The following NKIRAS1 variants were observed in gnomAD, a reference collection of about 807,000 sequenced individuals.
NKIRAS1 encodes NF-kappa-B inhibitor-interacting Ras-like protein 1.
In NKIRAS1, 16 loss-of-function variants were observed where a neutral mutation model predicts 19.8. That is an observed-to-expected ratio of 0.81 (90% CI 0.55 to 1.23). The LOEUF (loss-of-function observed/expected upper bound fraction) is 1.23. Among genes scored for constraint, NKIRAS1 ranks in the 50% most tolerant of loss-of-function variants. NKIRAS1 has a pLI of 0.00. For synonymous variants in NKIRAS1, 88 were observed against 79.0 expected, an observed-to-expected ratio of 1.11 and a Z score of -0.61; for missense variants, 184 against 220.0, an observed-to-expected ratio of 0.84 and a Z score of 1.04.
intron 1 of NKIRAS1, among the ~76,000 whole-genome samples, chr3:23,941,339 C>A (rs1705493098): frequency 6.6e-6 from 1 of 152,134 alleles, no homozygotes; most frequent in African/African-American, 2.4e-5. Flanking sequence ...CTCTTCTTTC[C>A]TTTATTCATA....
At position 23,890,704 on chromosome 3, in the gene NKIRAS1, G is replaced by T; in HGVS notation, c.*2391C>A. The T allele has an allele frequency of 1.9e-6, 2 of 1,070,734 alleles. No homozygotes were observed. The highest frequency in any genetic ancestry group is 2.9e-5 in the Admixed American group (1 of 34,914). 66.3% of individuals were successfully genotyped at this position (1,070,734 alleles called of 1,614,324 possible). ...GGAGGGTGGGAGTTGGTAAAGAGTAGGGTATTTCTATAACAGATATTATTC... is the reference window on the plus strand; with the variant it reads ...GGAGGGTGGGAGTTGGTAAAGAGTATGGTATTTCTATAACAGATATTATTC... On this transcript the variant is annotated 3_prime_UTR_variant, in exon 5 of 5. Transcript: ENST00000425478.
intron 1 of NKIRAS1, among the ~76,000 whole-genome samples, chr3:23,932,292 C>T (rs1705332238): frequency 6.6e-6 from 1 of 152,090 alleles, no homozygotes; most frequent in South Asian, 2.1e-4. Context: ...CAGTTATTTG[C>T]ATAAATTTCT....
intron 3 of NKIRAS1, among the ~76,000 whole-genome samples, chr3:23,909,288 G>A (rs6787216): frequency 0.2 from 30,546 of 152,054 alleles, 3,054 homozygotes; most frequent in Non-Finnish European, 0.21. Flanking sequence ...TTGGGAGGCC[G>A]AGGCGGGGGG....
At chr3:23,940,684 C>T (rs6550817) in intron 1 of NKIRAS1, among the ~76,000 whole-genome samples, 97,488 of 151,870 alleles carry the variant, frequency 0.64, 31,482 homozygotes, top group Middle Eastern at 0.73. Context: ...TTTATTATTT[C>T]GTTATAACAA....
chr3:23,946,123 C>G (rs1161705820), intron 1 of NKIRAS1: 9 of 985,026 alleles, frequency 9.1e-6, no homozygotes, highest in Non-Finnish European at 1.1e-5. Flanking sequence ...CCGCGATTCC[C>G]TCCTCCCCCG....
chr3:23,900,769 T>C (rs772888192), intron 4 of NKIRAS1, 39 bp downstream of exon 4: 2 of 1,539,984 alleles, frequency 1.3e-6, no homozygotes, highest in Admixed American at 1.7e-5. Flanking sequence ...TTAAATGGTA[T>C]TATAATTCAC....
intron 3 of NKIRAS1, among the ~76,000 whole-genome samples, chr3:23,903,478 G>C (rs1218386246): frequency 6.6e-6 from 1 of 151,852 alleles, no homozygotes; most frequent in Non-Finnish European, 1.5e-5. Flanking sequence ...AGAAAATAGA[G>C]ACCAACAAGA....
upstream of NKIRAS1, chr3:23,921,877 ATT>A: frequency 2.2e-6 from 1 of 458,676 alleles, no homozygotes; most frequent in East Asian, 3.8e-5. Context: ...CCCCAGCCCA[ATT>A]TTTATTTTTT....
intron 1 of NKIRAS1, chr3:23,945,615 G>A: frequency 8.5e-7 from 1 of 1,177,942 alleles, no homozygotes. Context: ...GACTGCGGCG[G>A]GTGGGGGATG....
At chr3:23,918,176 GTA>G, upstream of NKIRAS1, 1 of 1,069,202 alleles carries the variant, frequency 9.4e-7, no homozygotes. Flanking sequence ...GTCAGTTACT[GTA>G]TGCACTGTTG....
At chr3:23,895,369 C>T (rs1169125406) in intron 4 of NKIRAS1, among the ~76,000 whole-genome samples, 2 of 152,160 alleles carry the variant, frequency 1.3e-5, no homozygotes, top group Non-Finnish European at 2.9e-5. Flanking sequence ...CCCACTCTGA[C>T]TCCTGCCTTC....
chr3:23,921,489 C>T (rs1705077175), upstream of NKIRAS1: 3 of 656,830 alleles, frequency 4.6e-6, no homozygotes, highest in East Asian at 2.7e-5. Context: ...TAGCTATACC[C>T]TGACCGCCCC....
intron 1 of NKIRAS1, among the ~76,000 whole-genome samples, chr3:23,934,880 A>T (rs1054260234): frequency 6.6e-6 from 1 of 152,102 alleles, no homozygotes; most frequent in African/African-American, 2.4e-5. Context: ...TTATCTCTGA[A>T]TTTTTTTAAT....
chr3:23,906,791 C>A (rs549795568), intron 3 of NKIRAS1, among the ~76,000 whole-genome samples: 17 of 152,162 alleles, frequency 1.1e-4, no homozygotes, highest in African/African-American at 3.6e-4. Flanking sequence ...GTCTTATATC[C>A]TTTGCAGTGG....
In NKIRAS1 at chr3:23,892,982, T is replaced by A. The variant is rs1701585334; in HGVS notation, c.*113A>T. On this transcript the variant is annotated 3_prime_UTR_variant, in exon 5 of 5. Transcript: ENST00000425478. ...TAATTGACTTCCTTAGGAATTTTCC[T>A]AAGGACCAAAGGTAGATACAAATGG... is the stretch of plus-strand genomic sequence containing the variant. The A allele has an allele frequency of 1.1e-5, 13 of 1,162,020 alleles. No individual in the cohort carries two copies. Among genetic ancestry groups the A allele is most frequent in the Non-Finnish European group, 1.5e-5 (13 of 864,880 alleles). The allele number at this position is 1,162,020 out of a possible 1,614,324, so 72.0% of individuals were successfully genotyped here.
At chr3:23,914,326 T>G (rs963612387) in intron 1 of NKIRAS1, among the ~76,000 whole-genome samples, 1 of 152,090 alleles carries the variant, frequency 6.6e-6, no homozygotes, top group African/African-American at 2.4e-5. Flanking sequence ...TTTTTATAAG[T>G]AAAACACAAC....
chr3:23,895,501 C>G (rs1034701818), intron 4 of NKIRAS1, among the ~76,000 whole-genome samples: 1 of 152,108 alleles, frequency 6.6e-6, no homozygotes, highest in African/African-American at 2.4e-5. Context: ...TCCTCCCTAC[C>G]CAGCTTAGAT....
chr3:23,925,624 ACT>A (rs1448837816), intron 1 of NKIRAS1, among the ~76,000 whole-genome samples: 4 of 148,994 alleles, frequency 2.7e-5, no homozygotes, highest in African/African-American at 5.1e-5. Flanking sequence ...ACAGAGTAAG[ACT>A]CTGTCTCAAA....
At chr3:23,905,241 T>C (rs1702907804) in intron 3 of NKIRAS1, among the ~76,000 whole-genome samples, 1 of 152,166 alleles carries the variant, frequency 6.6e-6, no homozygotes, top group South Asian at 2.1e-4. Flanking sequence ...GACACACATA[T>C]GTGGCAATTA....
Sources: allele counts gnomAD v4.1 joint callset (sites outside exome capture counted in the v4.1 genomes callset), GRCh38; gene constraint gnomAD v4.1.1; transcripts MANE v1.5; gene names NCBI Gene and HGNC (gene_info 2026-07-23, HGNC 2026-07-21).